The following RABL2B variants were observed in gnomAD, a reference collection of about 807,000 sequenced individuals.
The protein encoded by RABL2B is RAB, member of RAS oncogene family like 2B.
RABL2B carries 17 observed loss-of-function variants against 26.7 expected under a neutral mutation model. The observed-to-expected ratio is 0.64, with a 90% CI of 0.44 to 0.95. The LOEUF is 0.95. RABL2B is among the 40% of genes least tolerant of loss of function. The pLI is 0.00. For synonymous variants in RABL2B, 70 were observed against 103.9 expected (o/e 0.67, Z 1.99); for missense variants, 170 against 277.2 (o/e 0.61, Z 2.75).
intron 4 of RABL2B, among the ~76,000 whole-genome samples, chr22:50,776,363 C>T (rs1270650805): frequency 2.0e-5 from 3 of 152,316 alleles, no homozygotes; most frequent in Middle Eastern, 3.4e-3. Flanking sequence ...ACTACTGCCT[C>T]GTCGAAGGCC....
At chr22:50,779,801 T>C (rs2085519491) in intron 2 of RABL2B, among the ~76,000 whole-genome samples, 1 of 151,972 alleles carries the variant, frequency 6.6e-6, no homozygotes, top group Non-Finnish European at 1.5e-5. Flanking sequence ...CTGGCCAACA[T>C]GGCAAAACCT....
At chr22:50,780,366 G>A (rs147736082) in intron 2 of RABL2B, among the ~76,000 whole-genome samples, 317 of 150,618 alleles carry the variant, frequency 2.1e-3, no homozygotes, top group Middle Eastern at 0.014. Context: ...TACAACTGAC[G>A]CCCTTCAGAT....
chr22:50,778,427 CA>C (rs1280597194), intron 2 of RABL2B, among the ~76,000 whole-genome samples: 5 of 151,798 alleles, frequency 3.3e-5, no homozygotes, highest in African/African-American at 1.2e-4. Context: ...ACTAAAGATA[CA>C]AAAAATTAGC....
rs370028333 is a variant in RABL2B, at chr22:50,769,488, G to A, written c.474C>T (p.Phe158=). Residue 158 remains phenylalanine (F), a synonymous_variant, in exon 7 of 9, where the codon TTC becomes TTT. Transcript: ENST00000691320. ...FAKKFSLPLY[F]VSAADGTNVV... The stretch of plus-strand genomic sequence containing the variant: ...CATTGGTACCATCAGCAGCCGAGAC[G>A]AAATACAGGGGCAGGGAGAACTTCT... The A allele has an allele frequency of 1.2e-5, 20 of 1,611,940 alleles. No individual in the cohort carries two copies. The highest frequency in any genetic ancestry group is 1.6e-4 in the Middle Eastern group (1 of 6,062).
intron 1 of RABL2B, 117 bp from the exon 2 acceptor site, chr22:50,782,464 A>G (rs1459891777): frequency 5.5e-6 from 8 of 1,464,736 alleles, no homozygotes; most frequent in East Asian, 4.6e-5. Context: ...ATGGTATGCA[A>G]TTGACTACTA....
chr22:50,774,597 A>G (rs1246453397), intron 5 of RABL2B, among the ~76,000 whole-genome samples: 2 of 149,176 alleles, frequency 1.3e-5, no homozygotes, highest in African/African-American at 5.0e-5. Context: ...TGGATTCCCG[A>G]TCCATCAGAA....
intron 5 of RABL2B, chr22:50,772,227 A>G: frequency 1.8e-6 from 1 of 546,356 alleles, no homozygotes; most frequent in Non-Finnish European, 2.3e-6. Context: ...CGGGGTTTCA[A>G]CATGTTGGTC....
At chr22:50,776,320 A>G (rs2084972344) in intron 4 of RABL2B, among the ~76,000 whole-genome samples, 1 of 152,126 alleles carries the variant, frequency 6.6e-6, no homozygotes, top group Admixed American at 6.5e-5. Context: ...ATTTTTTCAA[A>G]CTGGCTGAGT....
At chr22:50,777,330 A>G (rs1448174015) in intron 3 of RABL2B, among the ~76,000 whole-genome samples, 16 of 151,632 alleles carry the variant, frequency 1.1e-4, no homozygotes, top group African/African-American at 2.2e-4. Context: ...AGCACTTGGT[A>G]CAAGGTGGAG....
In RABL2B at chr22:50,768,789, G is replaced by A. The variant is rs550007269; in HGVS notation, c.677C>T (p.Ser226Phe). ...SIETPSEEAA[S>F]PHS The stretch of plus-strand genomic sequence containing the variant: ...AGCCCCAGCCCCTCAGCTGTGGGGA[G>A]AGGCCGCCTCCTCTGATGGGGTCTC... Residue 226 changes from serine to phenylalanine, a missense_variant, in exon 9 of 9, where the codon TCT (serine) becomes TTT (phenylalanine). Physicochemically the swap from Ser to Phe is radical, Grantham distance 155. This residue lies in a region of RABL2B where 165 missense variants were observed against 232.0 expected (regional missense o/e 0.71). Transcript: ENST00000691320. 4 of 1,613,926 alleles carry A rather than the reference G, an allele frequency of 2.5e-6. No homozygotes were observed. Among genetic ancestry groups the A allele is most frequent in the East Asian group, 2.2e-5 (1 of 44,880 alleles).
In RABL2B at chr22:50,767,823, T is replaced by C. The variant is rs2083615738; in HGVS notation, c.*953A>G. The C allele has an allele frequency of 2.2e-6, 1 of 446,354 alleles. No homozygotes were observed. The highest frequency in any genetic ancestry group is 2.5e-5 in the Admixed American group (1 of 40,542). 27.6% of individuals were successfully genotyped at this position (446,354 alleles called of 1,614,324 possible). On this transcript the variant is annotated 3_prime_UTR_variant, in exon 9 of 9. Coordinates refer to ENST00000691320, the MANE Select transcript of RABL2B (RefSeq NM_001130919.3). ...GCTGTAAGGACTCGATTTTACGGCT[T>C]GTGTATTCCTAACTATAGCTAGGCC...
Position 50,772,351 on chromosome 22 carries a change from T to C in RABL2B, c.298-2335A>G, listed in dbSNP as rs1454884395. On this transcript the variant is annotated intron_variant, in intron 5 of 8. Coordinates refer to ENST00000691320, the MANE Select transcript of RABL2B (RefSeq NM_001130919.3). ...GCCTGTTTCTACCTATTTTAAAATA[T>C]CAGCAAGAAGGATGAGCACTGCAAA... The C allele has an allele frequency of 1.4e-5, 14 of 985,296 alleles. No homozygotes were observed. The African/African-American group carries it at 1.6e-4, about 11-fold the overall frequency. The allele number at this position is 985,296 out of a possible 1,614,324, so 61.0% of individuals were successfully genotyped here. A position where few individuals can be genotyped will look rare whatever the true frequency, so the allele number is the denominator to read the frequency against.
At chr22:50,779,011 C>T (rs1205718493) in intron 2 of RABL2B, among the ~76,000 whole-genome samples, 3 of 151,012 alleles carry the variant, frequency 2.0e-5, no homozygotes, top group African/African-American at 2.4e-5. Flanking sequence ...AAGAAATTAC[C>T]GCGGCCAGAG....
chr22:50,770,080 G>C lies in RABL2B; in HGVS notation c.298-64C>G. On this transcript the variant is annotated intron_variant, in intron 5 of 8. Coordinates refer to ENST00000691320, the MANE Select transcript of RABL2B (RefSeq NM_001130919.3). ...CAATGTTTCTGCACCCCATCTCCAG[G>C]TGACTCACACACCCAAGCAGGTAAG... 3.1e-6 allele frequency: 5 copies of C among 1,601,818 alleles called. No individual in the cohort carries two copies. In the South Asian group the frequency reaches 5.6e-5, roughly 18 times the overall value.
intron 5 of RABL2B, 56 bp from the exon 6 acceptor site, chr22:50,770,072 A>G (rs1443184076): frequency 6.2e-7 from 1 of 1,603,580 alleles, no homozygotes; most frequent in Non-Finnish European, 8.5e-7. Flanking sequence ...TCTGCACCCC[A>G]TCTCCAGGTG....
At chr22:50,780,723 G>A (rs1253804774) in intron 2 of RABL2B, 20 of 470,804 alleles carry the variant, frequency 4.2e-5, no homozygotes, top group African/African-American at 3.2e-4. Context: ...TTGTGTCTGT[G>A]GAGGCCAATG....
At chr22:50,772,554 C>T (rs1211339402) in intron 5 of RABL2B, 7 of 994,420 alleles carry the variant, frequency 7.0e-6, no homozygotes, top group African/African-American at 1.7e-5. Flanking sequence ...GACCTCACTT[C>T]TAAATCACCC....
chr22:50,776,556 T>G, intron 4 of RABL2B, 114 bp downstream of exon 4: 3 of 1,421,528 alleles, frequency 2.1e-6, no homozygotes, highest in South Asian at 1.3e-5. Context: ...TGTCCCTGCC[T>G]GGGGTCTCAT....
rs1603448559 is a variant in RABL2B, at chr22:50,768,758, A to C, written c.*18T>G. The stretch of plus-strand genomic sequence containing the variant: ...AGGGTATTTTAAAAGGGCTCCACCC[A>C]CCCCTAGCCCCAGCCCCTCAGCTGT... On this transcript the variant is annotated 3_prime_UTR_variant, in exon 9 of 9. Transcript: ENST00000691320. 6.2e-7 allele frequency: 1 copy of C among 1,613,634 alleles called. No homozygotes were observed. Among genetic ancestry groups the C allele is most frequent in the Non-Finnish European group, 8.5e-7 (1 of 1,179,804 alleles).
Sources: allele counts gnomAD v4.1 joint callset (sites outside exome capture counted in the v4.1 genomes callset), GRCh38; gene constraint gnomAD v4.1.1; regional missense constraint gnomAD v4.1.1; transcripts MANE v1.5; gene names NCBI Gene and HGNC (gene_info 2026-07-23, HGNC 2026-07-21).